Variants in PCDH15 observed in about 807,000 individuals in gnomAD.
PCDH15 encodes protocadherin-15.
Under a neutral mutation model 178.5 loss-of-function variants are expected in PCDH15, and 129 were observed. That is an observed-to-expected ratio of 0.72 (90% CI 0.63 to 0.84). PCDH15 has a LOEUF of 0.84. Among genes scored for constraint, PCDH15 ranks in the 40% least tolerant of loss-of-function variants. The probability of loss-of-function intolerance (pLI) is 0.00; values close to 1 mark genes in which losing one functional copy is unlikely to be tolerated. For missense variants in PCDH15, 2,230 were observed against 2,099.9 expected, an observed-to-expected ratio of 1.06 and a Z score of -1.21; for synonymous variants, 800 against 732.0, an observed-to-expected ratio of 1.09 and a Z score of -1.50.
chr10:54,502,302 G>A (rs2080768434), intron 3 of PCDH15, among the ~76,000 whole-genome samples: 1 of 152,046 alleles, frequency 6.6e-6, no homozygotes, highest in African/African-American at 2.4e-5. Flanking sequence ...TATAATCAGT[G>A]TAAGCAGTTA....
chr10:54,978,706 C>G (rs11004653), intron 2 of PCDH15, among the ~76,000 whole-genome samples: 2,419 of 152,242 alleles, frequency 0.016, 56 homozygotes, highest in African/African-American at 0.054. Flanking sequence ...GCATATCAAA[C>G]TCTACCTTTT....
intron 23 of PCDH15, among the ~76,000 whole-genome samples, chr10:53,954,272 T>TA (rs1423431207): frequency 6.6e-6 from 1 of 152,226 alleles, no homozygotes; most frequent in Non-Finnish European, 1.5e-5. Flanking sequence ...TTAAAGTACT[T>TA]ACTGTGGTGT....
intron 3 of PCDH15, among the ~76,000 whole-genome samples, chr10:54,493,630 T>TC (rs1377128623): frequency 6.6e-6 from 1 of 151,498 alleles, no homozygotes; most frequent in Non-Finnish European, 1.5e-5. Context: ...GTTAAGAAAC[T>TC]CCCCCACCCG....
intron 2 of PCDH15, among the ~76,000 whole-genome samples, chr10:55,561,872 G>A (rs1460933625): frequency 6.6e-6 from 1 of 151,792 alleles, no homozygotes; most frequent in Non-Finnish European, 1.5e-5. Context: ...CATAACATTT[G>A]CTAGTAATAG....
chr10:54,479,130 A>C, intron 3 of PCDH15, among the ~76,000 whole-genome samples: 1 of 152,080 alleles, frequency 6.6e-6, no homozygotes, highest in East Asian at 1.9e-4. Flanking sequence ...TTTTTATTTA[A>C]AATTTCAGAC....
chr10:55,165,162 C>T (rs1468836943), intron 2 of PCDH15, among the ~76,000 whole-genome samples: 1 of 151,962 alleles, frequency 6.6e-6, no homozygotes. Context: ...TTTGTCTTTT[C>T]AAGTATTCGT....
chr10:53,941,811 T>A (rs12261964), intron 23 of PCDH15, among the ~76,000 whole-genome samples: 2,360 of 152,314 alleles, frequency 0.015, 60 homozygotes, highest in African/African-American at 0.051. Flanking sequence ...CCCCATATTC[T>A]AACCAGCTTT....
At chr10:55,322,067 C>T (rs1843915690), upstream of PCDH15, among the ~76,000 whole-genome samples, 1 of 152,118 alleles carries the variant, frequency 6.6e-6, no homozygotes, top group Non-Finnish European at 1.5e-5. Flanking sequence ...TGTAATAATC[C>T]TCATGTGTCA....
chr10:54,217,116 C>T (rs1002247521), intron 9 of PCDH15, among the ~76,000 whole-genome samples: 5 of 151,928 alleles, frequency 3.3e-5, no homozygotes, highest in African/African-American at 9.7e-5. Flanking sequence ...AGAGGGAACA[C>T]GTGGAGAGGA....
intron 1 of PCDH15, among the ~76,000 whole-genome samples, chr10:55,190,589 T>G (rs550485777): frequency 6.6e-6 from 1 of 151,772 alleles, no homozygotes; most frequent in African/African-American, 2.4e-5. Context: ...GTCACAAAAA[T>G]ACTGTTTAAT....
chr10:54,533,914 A>T (rs139093299), intron 2 of PCDH15, among the ~76,000 whole-genome samples: 20 of 152,284 alleles, frequency 1.3e-4, no homozygotes, highest in African/African-American at 4.6e-4. Context: ...TGTGCTTTGG[A>T]GTCACAAAAC....
chr10:55,487,306 C>A (rs1018035494), intron 2 of PCDH15, among the ~76,000 whole-genome samples: 1 of 151,642 alleles, frequency 6.6e-6, no homozygotes, highest in Admixed American at 6.6e-5. Context: ...ACTTCTGGGG[C>A]ACAATCTCAT....
chr10:55,176,713 C>T (rs1839497984), intron 1 of PCDH15, among the ~76,000 whole-genome samples: 1 of 152,112 alleles, frequency 6.6e-6, no homozygotes, highest in Non-Finnish European at 1.5e-5. Context: ...GGTTCCCAAT[C>T]CCTATATCCT....
At chr10:54,722,167 C>T (rs1941728622) in intron 1 of PCDH15, among the ~76,000 whole-genome samples, 1 of 151,538 alleles carries the variant, frequency 6.6e-6, no homozygotes, top group Non-Finnish European at 1.5e-5. Flanking sequence ...AAATCAACAC[C>T]CCTTTATGAT....
chr10:53,811,643 C>T lies in PCDH15; in HGVS notation c.4492-24G>A, dbSNP rs200979399. 492 of 1,475,716 alleles carry T rather than the reference C, an allele frequency of 3.3e-4. 1 individual carries two copies. Among genetic ancestry groups the T allele is most frequent in the Middle Eastern group, 2.8e-3 (16 of 5,688 alleles). The allele number at this position is 1,475,716 out of a possible 1,614,324, so 91.4% of individuals were successfully genotyped here. A position where few individuals can be genotyped will look rare whatever the true frequency, so the allele number is the denominator to read the frequency against. Reference sequence around the variant, plus strand: ...TCCTATTGTTCAAAAAGAAAAATTGCATTTGAAAACGAATTCTTATCACGT... The same window carrying T: ...TCCTATTGTTCAAAAAGAAAAATTGTATTTGAAAACGAATTCTTATCACGT... On this transcript the variant is annotated intron_variant, in intron 35 of 37. Transcript: ENST00000644397.
At chr10:55,565,925 A>C in intron 2 of PCDH15, among the ~76,000 whole-genome samples, 1 of 151,692 alleles carries the variant, frequency 6.6e-6, no homozygotes. Context: ...AACTAGCATC[A>C]ATCTTTTTCA....
intron 2 of PCDH15, among the ~76,000 whole-genome samples, chr10:54,972,968 G>A (rs961746083): frequency 6.0e-5 from 9 of 150,212 alleles, no homozygotes; most frequent in African/African-American, 2.2e-4. Context: ...ACAGTGATAA[G>A]TTAAACTTAC....
intron 10 of PCDH15, among the ~76,000 whole-genome samples, chr10:54,211,327 T>A (rs892139330): frequency 1.3e-5 from 2 of 152,190 alleles, no homozygotes; most frequent in Non-Finnish European, 2.9e-5. Context: ...AATCTATGAT[T>A]CTTGTTCACA....
At chr10:53,860,665 A>G (rs2079044871) in intron 27 of PCDH15, among the ~76,000 whole-genome samples, 1 of 143,740 alleles carries the variant, frequency 7.0e-6, no homozygotes, top group Non-Finnish European at 1.5e-5. Flanking sequence ...TGGGAGGCAG[A>G]GGTTGCAGAG....
Sources: gnomAD v4.1 joint callset for allele counts (sites outside exome capture counted in the v4.1 genomes callset) on GRCh38, gnomAD v4.1.1 for gene constraint, MANE v1.5 for transcripts, NCBI Gene and HGNC (gene_info 2026-07-23, HGNC 2026-07-21) for gene names.